The following CD33 variants were observed in gnomAD, a reference collection of about 807,000 sequenced individuals.
The protein encoded by CD33 is CD33 molecule.
A neutral mutation model predicts 31.4 loss-of-function variants in CD33; 25 were observed. The observed-to-expected ratio is 0.80, with a 90% CI of 0.58 to 1.11. CD33 has a LOEUF of 1.11. CD33 is among the 50% of genes most tolerant of loss of function. CD33 has a pLI of 0.00. For missense variants in CD33, 407 were observed against 448.1 expected (o/e 0.91, Z 0.83); for synonymous variants, 176 against 180.6 (o/e 0.97, Z 0.20).
At chr19:51,230,855 C>T (rs545705528) in intron 4 of CD33, among the ~76,000 whole-genome samples, 5 of 152,278 alleles carry the variant, frequency 3.3e-5, no homozygotes, top group Admixed American at 6.5e-5. Flanking sequence ...GGAACATGTC[C>T]TGGGTCCAGG....
rs1981767253 is a variant in CD33, at chr19:51,235,966, G to T, written c.924+290G>T. On this transcript the variant is annotated intron_variant, in intron 6 of 6. Coordinates refer to ENST00000262262, the MANE Select transcript of CD33 (RefSeq NM_001772.4). The stretch of plus-strand genomic sequence containing the variant: ...GAGGTCAGGAGATTGAGACTATCCT[G>T]GCTAACATGGTGAAACCCCGTCTCT... 19 of 679,714 alleles carry T rather than the reference G, an allele frequency of 2.8e-5. 1 individual carries two copies. The South Asian group carries it at 2.9e-4, about 10-fold the overall frequency. The allele number at this position is 679,714 out of a possible 1,614,324, so 42.1% of individuals were successfully genotyped here.
rs1182756821 is a variant in CD33, at chr19:51,225,151, G to T, written c.33G>T (p.Trp11Cys). MPLLLLLPLLWAGALAMDPNF... is the reference protein window; with the variant it reads MPLLLLLPLLCAGALAMDPNF... ...TGCTGCTACTGCTGCCCCTGCTGTGGGCAGGTGAGTGGCTGTGGGGAGAGG... is the reference window on the plus strand; with the variant it reads ...TGCTGCTACTGCTGCCCCTGCTGTGTGCAGGTGAGTGGCTGTGGGGAGAGG... The change falls in exon 1 of 7, where the codon TGG becomes TGT. Residue 11 changes from tryptophan (W) to cysteine (C), a missense_variant. Trp to Cys is a radical substitution (Grantham distance 215). Coordinates refer to ENST00000262262, the MANE Select transcript of CD33 (RefSeq NM_001772.4). 4.3e-6 allele frequency: 7 copies of T among 1,613,794 alleles called. No individual in the cohort carries two copies. The highest frequency in any genetic ancestry group is 5.9e-6 in the Non-Finnish European group (7 of 1,180,004).
chr19:51,237,827 A>G (rs570669610), intron 6 of CD33: 1 of 152,352 alleles, frequency 6.6e-6, no homozygotes, highest in African/African-American at 2.4e-5. Context: ...GAGAAACTCT[A>G]GTATGTAGTA....
intron 4 of CD33, among the ~76,000 whole-genome samples, chr19:51,228,066 T>A (rs1167464643): frequency 6.7e-6 from 1 of 149,132 alleles, no homozygotes; most frequent in Non-Finnish European, 1.5e-5. Flanking sequence ...TTATGTATTA[T>A]TGGTGTATGT....
intron 4 of CD33, among the ~76,000 whole-genome samples, chr19:51,231,306 C>T (rs764362249): frequency 2.0e-4 from 30 of 152,238 alleles, no homozygotes; most frequent in Non-Finnish European, 3.7e-4. Context: ...ATACTAGCGT[C>T]GGCCCCCTGG....
chr19:51,224,335 G>A (rs1599864757), upstream of CD33, among the ~76,000 whole-genome samples: 1 of 152,078 alleles, frequency 6.6e-6, no homozygotes, highest in African/African-American at 2.4e-5. Flanking sequence ...GCTTATTAAG[G>A]CCCACTGTTT....
intron 6 of CD33, chr19:51,236,136 T>C (rs531679779): frequency 1.4e-4 from 57 of 408,724 alleles, no homozygotes; most frequent in Middle Eastern, 7.7e-4. Flanking sequence ...CCAGCCTGGG[T>C]GACAGAGAGA....
intron 4 of CD33, among the ~76,000 whole-genome samples, chr19:51,228,471 A>G (rs1981186127): frequency 6.6e-6 from 1 of 151,932 alleles, no homozygotes; most frequent in Admixed American, 6.6e-5. Flanking sequence ...AAGGCTTGTC[A>G]CCTCCTTGGT....
intron 4 of CD33, among the ~76,000 whole-genome samples, chr19:51,234,873 T>G (rs915761641): frequency 6.6e-6 from 1 of 152,206 alleles, no homozygotes; most frequent in African/African-American, 2.4e-5. Context: ...TCAGGGGCTA[T>G]GTCTGAGGTT....
chr19:51,226,175 T>C, intron 3 of CD33, 94 bp downstream of exon 3: 1 of 1,543,518 alleles, frequency 6.5e-7, no homozygotes. Context: ...GAGGCCTGGC[T>C]GAGTTCGGGA....
At chr19:51,235,072 T>C in intron 4 of CD33, 85 bp from the exon 5 acceptor site, 1 of 1,091,514 alleles carries the variant, frequency 9.2e-7, no homozygotes, top group Non-Finnish European at 1.4e-6. Context: ...GGAGGTGAAG[T>C]CACCCCTCTC....
chr19:51,229,040 C>CT (rs1334054145), intron 4 of CD33, among the ~76,000 whole-genome samples: 2 of 152,084 alleles, frequency 1.3e-5, no homozygotes, highest in African/African-American at 4.8e-5. Flanking sequence ...CATATATGGC[C>CT]TTTTTTGTGT....
Position 51,235,577 on chromosome 19 carries a change from C to T in CD33, c.843-18C>T. 1 of 1,610,368 alleles carries T rather than the reference C, an allele frequency of 6.2e-7. No individual in the cohort carries two copies. Among genetic ancestry groups the T allele is most frequent in the Non-Finnish European group, 8.5e-7 (1 of 1,178,002 alleles). ...GCCTGAGAAAACCAGGCTCAAAGAC[C>T]CTGGTGTCTCCCATCAGAGTGAAGA... On this transcript the variant is annotated intron_variant, in intron 5 of 6. Coordinates refer to ENST00000262262, the MANE Select transcript of CD33 (RefSeq NM_001772.4).
chr19:51,222,303 A>G (rs1980721060), upstream of CD33, among the ~76,000 whole-genome samples: 1 of 152,194 alleles, frequency 6.6e-6, no homozygotes, highest in African/African-American at 2.4e-5. Context: ...GAGGAGTGGT[A>G]AAAAGTCAAA....
the CD33 span, among the ~76,000 whole-genome samples, chr19:51,213,753 A>T: frequency 6.7e-6 from 1 of 150,324 alleles, no homozygotes; most frequent in African/African-American, 2.5e-5. Flanking sequence ...CTAGGCTGAT[A>T]TCGAACTCCT....
At chr19:51,222,434 T>C (rs1389223465), upstream of CD33, among the ~76,000 whole-genome samples, 2 of 152,216 alleles carry the variant, frequency 1.3e-5, no homozygotes, top group African/African-American at 4.8e-5. Flanking sequence ...TAAAAAGACT[T>C]GTACCTGAAT....
chr19:51,225,244 T>C lies in CD33; in HGVS notation c.64T>C (p.Trp22Arg), dbSNP rs35814802. 3.8e-5 allele frequency: 62 copies of C among 1,613,212 alleles called. No homozygotes were observed. The highest frequency in any genetic ancestry group is 1.2e-4 in the Admixed American group (7 of 59,976). ...GGCCCTGGCTATGGATCCAAATTTC[T>C]GGCTGCAAGTGCAGGAGTCAGTGAC... The part of the protein sequence containing the change: ...AGALAMDPNF[W>R]LQVQESVTVQ... Residue 22 changes from tryptophan (W) to arginine (R), a missense_variant, in exon 2 of 7, where the codon TGG becomes CGG. Transcript: ENST00000262262.
chr19:51,237,164 T>C (rs1981860488), intron 6 of CD33: 1 of 152,198 alleles, frequency 6.6e-6, no homozygotes, highest in Admixed American at 6.5e-5. Flanking sequence ...CTCTGATTTT[T>C]TTTTTAATTT....
At chr19:51,234,565 C>T (rs931405025) in intron 4 of CD33, among the ~76,000 whole-genome samples, 5 of 152,136 alleles carry the variant, frequency 3.3e-5, no homozygotes, top group African/African-American at 9.7e-5. Flanking sequence ...AGAGCAGGAA[C>T]AGTTCCCTCA....
Sources: allele counts gnomAD v4.1 joint callset (sites outside exome capture counted in the v4.1 genomes callset), GRCh38; gene constraint gnomAD v4.1.1; transcripts MANE v1.5; gene names NCBI Gene and HGNC (gene_info 2026-07-23, HGNC 2026-07-21).